The following DIP2C variants were observed in gnomAD, a reference collection of about 807,000 sequenced individuals.
DIP2C encodes DIP2 acetate--CoA ligase C (putative).
Under a neutral mutation model 192.4 loss-of-function variants are expected in DIP2C, and 33 were observed. That is an observed-to-expected ratio of 0.17 (90% CI 0.13 to 0.23). The LOEUF is 0.23. DIP2C is among the 10% of genes least tolerant of loss of function. The pLI is 1.00. For synonymous variants in DIP2C, 979 were observed against 864.1 expected (o/e 1.13, Z -2.33); for missense variants, 1,537 against 2,110.1 (o/e 0.73, Z 5.32).
At chr10:418,296 C>T (rs1330373346) in intron 6 of DIP2C, among the ~76,000 whole-genome samples, 2 of 148,758 alleles carry the variant, frequency 1.3e-5, no homozygotes, top group South Asian at 2.2e-4. Flanking sequence ...GTCCACCTGT[C>T]GGAGCTCGGA....
chr10:619,541 G>GCCCGCCCGCCCGCCCT, intron 1 of DIP2C, among the ~76,000 whole-genome samples: 3 of 67,896 alleles, frequency 4.4e-5, no homozygotes, highest in African/African-American at 6.9e-5. Context: ...CCGCCCGCCC[G>GCCCGCCCGCCCGCCCT]CCCTCCCACC....
At chr10:647,850 C>T (rs1212713436) in intron 1 of DIP2C, among the ~76,000 whole-genome samples, 87 of 116,312 alleles carry the variant, frequency 7.5e-4, no homozygotes, top group Non-Finnish European at 1.1e-3. Context: ...CCACATTTGA[C>T]GGTGGGAGAG....
intron 17 of DIP2C, among the ~76,000 whole-genome samples, chr10:375,020 A>AG (rs1961402158): frequency 6.6e-6 from 1 of 152,254 alleles, no homozygotes; most frequent in Non-Finnish European, 1.5e-5. Flanking sequence ...GTAAGGAGGC[A>AG]GAGTCCTCTC....
At chr10:336,944 TGCGC>T (rs796814394) in intron 29 of DIP2C, among the ~76,000 whole-genome samples, 32 of 57,322 alleles carry the variant, frequency 5.6e-4, no homozygotes, top group Non-Finnish European at 1.4e-3. Flanking sequence ...GACTGGTGTG[TGCGC>T]GTGTGTGTGT....
intron 1 of DIP2C, among the ~76,000 whole-genome samples, chr10:604,348 C>T (rs1192025835): frequency 6.6e-6 from 1 of 152,142 alleles, no homozygotes; most frequent in African/African-American, 2.4e-5. Flanking sequence ...TATACAATAC[C>T]ATAGGAGACA....
In DIP2C at chr10:291,860, G is replaced by C. The variant is rs572384725; in HGVS notation, c.3987-3439C>G. Among the ~76,000 whole-genome samples, 5 of 152,352 alleles carry C rather than the reference G, an allele frequency of 3.3e-5. No homozygotes were observed. In the East Asian group the frequency reaches 9.6e-4, roughly 29 times the overall value. On this transcript the variant is annotated intron_variant, in intron 32 of 36. Transcript: ENST00000280886. ...CACCAAGGCGTTGCCTGGCACACGA[G>C]AGGTGGGCTGCTGGAGGGAGATGCA...
chr10:496,298 C>A (rs1844829434), intron 1 of DIP2C, among the ~76,000 whole-genome samples: 1 of 150,896 alleles, frequency 6.6e-6, no homozygotes, highest in Non-Finnish European at 1.5e-5. Context: ...CTCTTAATAC[C>A]CCAAACAACA....
chr10:470,829 C>T (rs941390784), intron 3 of DIP2C, among the ~76,000 whole-genome samples: 3 of 152,212 alleles, frequency 2.0e-5, no homozygotes, highest in Admixed American at 1.3e-4. Context: ...CTTCAGTTTC[C>T]TCATCTATAA....
intron 1 of DIP2C, among the ~76,000 whole-genome samples, chr10:688,897 G>A (rs1004135298): frequency 2.6e-5 from 4 of 151,694 alleles, no homozygotes; most frequent in South Asian, 2.1e-4. Context: ...ATGGGGGTGG[G>A]ATCCCCCGGG....
At chr10:549,108 CTCA>C (rs1848459278) in intron 1 of DIP2C, among the ~76,000 whole-genome samples, 1 of 152,120 alleles carries the variant, frequency 6.6e-6, no homozygotes, top group South Asian at 2.1e-4. Flanking sequence ...AAACAAGCAG[CTCA>C]TCAAGGAATC....
chr10:418,924 G>C lies in DIP2C; in HGVS notation c.739+141C>G, dbSNP rs181586464. ...TTTGTGGCTAGGCCACCTTCCATGA[G>C]AGGCTCCCGAAGATCTGATAAATTG... On this transcript the variant is annotated intron_variant, in intron 6 of 36. Coordinates refer to ENST00000280886, the MANE Select transcript of DIP2C (RefSeq NM_014974.3). The C allele has an allele frequency of 8.1e-5, 104 of 1,284,744 alleles. No homozygotes were observed. In the East Asian group the frequency reaches 2.3e-3, roughly 29 times the overall value. The allele number at this position is 1,284,744 out of a possible 1,614,324, so 79.6% of individuals were successfully genotyped here.
At position 356,589 on chromosome 10, in the gene DIP2C, A is replaced by C. The variant is rs1179832715; in HGVS notation, c.2905-83T>G. The C allele has an allele frequency of 2.6e-6, 3 of 1,161,190 alleles. No homozygotes were observed. The East Asian group carries it at 7.1e-5, about 28-fold the overall frequency. The allele number at this position is 1,161,190 out of a possible 1,614,324, so 71.9% of individuals were successfully genotyped here. ...CTGAGGTGGGGCAACCTGGATACTC[A>C]AACCCATAGAGGCTGAGTGCTTTGG... On this transcript the variant is annotated intron_variant, in intron 23 of 36. Transcript: ENST00000280886.
chr10:440,076 C>T (rs1967604257), intron 4 of DIP2C, among the ~76,000 whole-genome samples: 1 of 152,152 alleles, frequency 6.6e-6, no homozygotes, highest in South Asian at 2.1e-4. Context: ...TGGATAACTA[C>T]ACTTTCTGCT....
chr10:408,092 G>A (rs1197627119), intron 9 of DIP2C, among the ~76,000 whole-genome samples: 4 of 150,742 alleles, frequency 2.7e-5, no homozygotes, highest in South Asian at 4.2e-4. Flanking sequence ...ACATTTAGGC[G>A]TTTGGTCCAT....
Position 670,521 on chromosome 10 carries a change from T to C in DIP2C, c.85+18973A>G, listed in dbSNP as rs192368280. 2.3e-3 allele frequency among the ~76,000 whole-genome samples: 350 copies of C among 152,306 alleles called. 5 individuals are homozygous for C. Among genetic ancestry groups the C allele is most frequent in the Admixed American group, 0.019 (286 of 15,300 alleles). Reference sequence around the variant, plus strand: ...GTTCTGGAATGTTCCAGAGACAACATAGGGGGACGGCTGCACATCACATTA... The same window carrying C: ...GTTCTGGAATGTTCCAGAGACAACACAGGGGGACGGCTGCACATCACATTA... On this transcript the variant is annotated intron_variant, in intron 1 of 36. Transcript: ENST00000280886.
At chr10:334,879 T>G (rs1266005665) in intron 29 of DIP2C, among the ~76,000 whole-genome samples, 1 of 152,214 alleles carries the variant, frequency 6.6e-6, no homozygotes. Flanking sequence ...AATTCTCCAA[T>G]TTTGTTAACC....
intron 1 of DIP2C, among the ~76,000 whole-genome samples, chr10:560,392 AAG>A (rs954329243): frequency 1.1e-4 from 17 of 152,122 alleles, no homozygotes; most frequent in African/African-American, 3.1e-4. Flanking sequence ...TAAAAAAAAA[AAG>A]AAAAAAGTGT....
chr10:467,629 A>C (rs1354782481), intron 3 of DIP2C, among the ~76,000 whole-genome samples: 1 of 151,874 alleles, frequency 6.6e-6, no homozygotes, highest in East Asian at 1.9e-4. Flanking sequence ...GCCATAAAAA[A>C]CGGGTAAATT....
At chr10:552,517 G>A (rs926036941) in intron 1 of DIP2C, among the ~76,000 whole-genome samples, 1 of 152,196 alleles carries the variant, frequency 6.6e-6, no homozygotes, top group Non-Finnish European at 1.5e-5. Flanking sequence ...AAGTAATTCT[G>A]TTCAGTCTAT....
Sources: allele counts gnomAD v4.1 joint callset (sites outside exome capture counted in the v4.1 genomes callset), GRCh38; gene constraint gnomAD v4.1.1; transcripts MANE v1.5; gene names NCBI Gene and HGNC (gene_info 2026-07-23, HGNC 2026-07-21).